The following CACNA1H variants were observed in gnomAD, a reference collection of about 807,000 sequenced individuals.
CACNA1H encodes voltage-dependent T-type calcium channel subunit alpha-1H.
In CACNA1H, 149 loss-of-function variants were observed where a neutral mutation model predicts 192.5. The observed-to-expected ratio is 0.77, with a 90% CI of 0.68 to 0.89. The LOEUF is 0.89. Ranked by LOEUF, CACNA1H falls within the 40% of genes least tolerant of loss-of-function variation. The pLI is 0.00. For missense variants in CACNA1H, 4,257 were observed against 3,423.5 expected (o/e 1.24, Z -6.08); for synonymous variants, 2,202 against 1,475.2 (o/e 1.49, Z -11.29).
At chr16:1,219,751 G>T (rs937892780) in intron 34 of CACNA1H, among the ~76,000 whole-genome samples, 2 of 151,470 alleles carry the variant, frequency 1.3e-5, no homozygotes, top group South Asian at 2.1e-4. Context: ...TGGCATCTCT[G>T]CCCACAGAGC....
At position 1,218,284 on chromosome 16, in the gene CACNA1H, C is replaced by T. The variant is rs899047966; in HGVS notation, c.5520C>T (p.Phe1840=). The change falls in exon 33 of 35, where the codon TTC becomes TTT. Residue 1840 remains phenylalanine, a synonymous_variant. Coordinates refer to ENST00000348261, the MANE Select transcript of CACNA1H (RefSeq NM_021098.3). ...SYLPALSPVY[F]VTFVLVAQFV... The stretch of plus-strand genomic sequence containing the variant: ...TGCCGGCCCTGTCGCCCGTCTACTT[C>T]GTGACCTTCGTGCTGGTGGCCCAGT... The T allele has an allele frequency of 8.4e-6, 13 of 1,553,024 alleles. No homozygotes were observed. The highest frequency in any genetic ancestry group is 5.9e-5 in the Admixed American group (3 of 51,160).
At chr16:1,177,842 T>G (rs972966528) in intron 2 of CACNA1H, among the ~76,000 whole-genome samples, 5 of 151,726 alleles carry the variant, frequency 3.3e-5, no homozygotes, top group African/African-American at 1.2e-4. Context: ...GCTCCGCCGC[T>G]CCTGACCTCA....
At chr16:1,190,469 G>T (rs978399802) in intron 2 of CACNA1H, among the ~76,000 whole-genome samples, 1 of 152,238 alleles carries the variant, frequency 6.6e-6, no homozygotes, top group African/African-American at 2.4e-5. Context: ...GCCTGTGCGG[G>T]ATGTGGGACC....
At chr16:1,214,692 C>T (rs1030579303) in intron 27 of CACNA1H, among the ~76,000 whole-genome samples, 3 of 152,126 alleles carry the variant, frequency 2.0e-5, no homozygotes, top group Non-Finnish European at 4.4e-5. Flanking sequence ...GGGCTGGGGG[C>T]TCAGGGTGGC....
At chr16:1,205,969 G>A (rs923289342) in intron 11 of CACNA1H, 135 bp from the exon 12 acceptor site, 3 of 795,844 alleles carry the variant, frequency 3.8e-6, no homozygotes, top group South Asian at 3.7e-5. Context: ...CCTTGATGCA[G>A]CCATACCCTC....
At position 1,202,154 on chromosome 16, in the gene CACNA1H, C is replaced by T. The variant is rs774536467; in HGVS notation, c.1704C>T (p.Asp568=). 2.3e-5 allele frequency: 35 copies of T among 1,550,530 alleles called. No individual in the cohort carries two copies. The East Asian group carries it at 2.4e-4, about 11-fold the overall frequency. ...SPPSPGRGPP[D]AESVHSIYHA... ...CTTCCCCAGGCCGCGGACCCCCCGA[C>T]GCAGAGTCTGTGCACAGCATCTACC... The change falls in exon 9 of 35, where the codon GAC becomes GAT. Residue 568 remains aspartate, a synonymous_variant. Coordinates refer to ENST00000348261, the MANE Select transcript of CACNA1H (RefSeq NM_021098.3).
chr16:1,216,964 G>A lies in CACNA1H; in HGVS notation c.5277G>A (p.Leu1759=), dbSNP rs1382674322. The A allele has an allele frequency of 1.2e-6, 2 of 1,605,088 alleles. No homozygotes were observed. The highest frequency in any genetic ancestry group is 1.7e-6 in the Non-Finnish European group (2 of 1,176,066). The part of the protein sequence containing the change: ...VGNLGLLFML[L]FFIYAALGVE... Reference sequence around the variant, plus strand: ...ACCTGGGCCTTCTTTTCATGCTCCTGTTTTTTATCTATGCTGCGCTGGGAG... The same window carrying A: ...ACCTGGGCCTTCTTTTCATGCTCCTATTTTTTATCTATGCTGCGCTGGGAG... The change falls in exon 31 of 35, where the codon CTG becomes CTA. Residue 1759 remains leucine (L), a synonymous_variant. Transcript: ENST00000348261.
At chr16:1,179,341 C>T (rs901490361) in intron 2 of CACNA1H, among the ~76,000 whole-genome samples, 1 of 152,138 alleles carries the variant, frequency 6.6e-6, no homozygotes, top group African/African-American at 2.4e-5. Flanking sequence ...CCTGGCTGAC[C>T]AGGCATCGGG....
At chr16:1,207,468 G>A (rs756582456) in intron 14 of CACNA1H, 38 bp downstream of exon 14, 30 of 1,597,570 alleles carry the variant, frequency 1.9e-5, no homozygotes, top group Admixed American at 5.1e-5. Flanking sequence ...GGAGGAGGGC[G>A]ATGAGAAGAG....
Position 1,220,235 on chromosome 16 carries a change from C to A in CACNA1H, c.6303C>A (p.Val2101=). The change falls in exon 35 of 35, where the codon GTC becomes GTA. Residue 2101 remains valine (V), a synonymous_variant. Transcript: ENST00000348261. ...AEASDPADEE[V]SHITSSACPW... is the part of the protein sequence containing the mutation. ...CCTCGGACCCAGCCGACGAGGAGGT[C>A]AGCCACATCACCAGCTCCGCCTGCC... 2 of 1,584,596 alleles carry A rather than the reference C, an allele frequency of 1.3e-6. No homozygotes were observed. The highest frequency in any genetic ancestry group is 8.5e-7 in the Non-Finnish European group (1 of 1,171,154).
chr16:1,171,735 C>T (rs1964388323), intron 2 of CACNA1H, among the ~76,000 whole-genome samples: 1 of 152,180 alleles, frequency 6.6e-6, no homozygotes, highest in African/African-American at 2.4e-5. Flanking sequence ...CCTGGAGTCC[C>T]TGGAGCTCTG....
intron 21 of CACNA1H, 85 bp from the exon 22 acceptor site, chr16:1,211,083 C>T (rs1244380023): frequency 3.2e-6 from 5 of 1,569,468 alleles, no homozygotes; most frequent in Admixed American, 3.5e-5. Context: ...CCACTCGGCC[C>T]CACCTTGGGA....
chr16:1,173,386 G>A (rs949214923), intron 2 of CACNA1H, among the ~76,000 whole-genome samples: 3 of 152,234 alleles, frequency 2.0e-5, no homozygotes, highest in African/African-American at 7.2e-5. Flanking sequence ...AACAGCGGCT[G>A]CGCCTCCAGG....
At chr16:1,191,535 G>A (rs1966618290) in intron 2 of CACNA1H, among the ~76,000 whole-genome samples, 1 of 39,360 alleles carries the variant, frequency 2.5e-5, no homozygotes, top group Non-Finnish European at 4.8e-5. Flanking sequence ...TGGCTGTGTG[G>A]CCTCAGGCAC....
intron 2 of CACNA1H, among the ~76,000 whole-genome samples, chr16:1,161,001 C>A (rs565417511): frequency 6.6e-6 from 1 of 152,252 alleles, no homozygotes; most frequent in South Asian, 2.1e-4. Flanking sequence ...GGAGAGGATC[C>A]GGAGGCCCCC....
In CACNA1H at chr16:1,204,253, CG is replaced by C; in HGVS notation, c.2248del (p.Asp750ThrfsTer51). On this transcript the variant is annotated frameshift_variant, in exon 10 of 35. Coordinates refer to ENST00000348261, the MANE Select transcript of CACNA1H (RefSeq NM_021098.3). LOFTEE classifies it high-confidence loss of function. The part of the protein sequence containing the change: ...RWDPTRPPRA[T>X]DTPGPGPGSP... ...GACCCCACGCGACCACCCCGTGCGA[CG>C]GACACACCAGGCCCAGGCCCAGGCA... The C allele has an allele frequency of 6.2e-7, 1 of 1,610,108 alleles. No individual in the cohort carries two copies. The highest frequency in any genetic ancestry group is 8.5e-7 in the Non-Finnish European group (1 of 1,178,746).
At chr16:1,203,581 C>T (rs953040577) in intron 9 of CACNA1H, among the ~76,000 whole-genome samples, 1 of 152,092 alleles carries the variant, frequency 6.6e-6, no homozygotes, top group African/African-American at 2.4e-5. Flanking sequence ...TTTAGAACAG[C>T]GGAAAATCAC....
chr16:1,183,444 T>C (rs1333031103), intron 2 of CACNA1H, among the ~76,000 whole-genome samples: 2 of 152,156 alleles, frequency 1.3e-5, no homozygotes, highest in Admixed American at 6.5e-5. Context: ...CCTCCTCCCT[T>C]GTCTCCATGG....
chr16:1,185,258 G>A (rs1965869379), intron 2 of CACNA1H, among the ~76,000 whole-genome samples: 1 of 152,216 alleles, frequency 6.6e-6, no homozygotes, highest in African/African-American at 2.4e-5. Flanking sequence ...GTCTGTTGGT[G>A]AACACCAGGG....
Sources: allele counts gnomAD v4.1 joint callset (sites outside exome capture counted in the v4.1 genomes callset), GRCh38; gene constraint gnomAD v4.1.1; transcripts MANE v1.5; gene names NCBI Gene and HGNC (gene_info 2026-07-23, HGNC 2026-07-21).